The following KCNH1 variants were observed in gnomAD, a reference collection of about 807,000 sequenced individuals.
KCNH1 encodes voltage-gated delayed rectifier potassium channel KCNH1.
Under a neutral mutation model 69.2 loss-of-function variants are expected in KCNH1, and 27 were observed. The observed-to-expected ratio is 0.39, with a 90% CI of 0.29 to 0.54. The LOEUF is 0.54. KCNH1 is among the 20% of genes least tolerant of loss of function. KCNH1 has a pLI of 0.68. For synonymous variants in KCNH1, 456 were observed against 487.7 expected (o/e 0.93, Z 0.86); for missense variants, 798 against 1,261.6 (o/e 0.63, Z 5.57).
intron 6 of KCNH1, among the ~76,000 whole-genome samples, chr1:210,955,402 T>A (rs181066893): frequency 6.6e-6 from 1 of 152,326 alleles, no homozygotes; most frequent in Non-Finnish European, 1.5e-5. Context: ...TTTGGTTCCA[T>A]ATGAACTTTA....
At chr1:210,981,733 A>G (rs559367537) in intron 6 of KCNH1, among the ~76,000 whole-genome samples, 49 of 152,276 alleles carry the variant, frequency 3.2e-4, no homozygotes, top group Middle Eastern at 3.4e-3. Context: ...ACTTCCTGGC[A>G]AACTTGTGGA....
intron 7 of KCNH1, among the ~76,000 whole-genome samples, chr1:210,856,824 T>TAAA (rs1685852679): frequency 1.5e-5 from 2 of 130,350 alleles, no homozygotes; most frequent in Non-Finnish European, 3.3e-5. Context: ...ATATATATTT[T>TAAA]ATATATAATA....
rs1468945388 is a variant in KCNH1, at chr1:210,681,163, G to C, written c.*2118C>G. On this transcript the variant is annotated 3_prime_UTR_variant, in exon 11 of 11. Coordinates refer to ENST00000271751, the MANE Select transcript of KCNH1 (RefSeq NM_172362.3). ...ACTTCAGAAGCAGGTTGAGGAGCAT[G>C]TTTAAGAAATGGCAGACTAGAATGT... The C allele has an allele frequency of 6.6e-6, 1 of 152,198 alleles. No individual in the cohort carries two copies. Among genetic ancestry groups the C allele is most frequent in the Non-Finnish European group, 1.5e-5 (1 of 68,058 alleles). 9.4% of individuals were successfully genotyped at this position (152,198 alleles called of 1,614,324 possible).
intron 6 of KCNH1, 106 bp downstream of exon 6, chr1:211,018,677 A>G (rs1689537412): frequency 1.1e-6 from 1 of 899,156 alleles, no homozygotes; most frequent in Non-Finnish European, 1.7e-6. Context: ...TGTTCTGGAC[A>G]TCAGTCATGC....
At chr1:210,736,135 T>C (rs1331731021) in intron 10 of KCNH1, among the ~76,000 whole-genome samples, 1 of 152,118 alleles carries the variant, frequency 6.6e-6, no homozygotes, top group Admixed American at 6.5e-5. Context: ...AGCGTCAAAC[T>C]CCTGGGCTCA....
intron 5 of KCNH1, among the ~76,000 whole-genome samples, chr1:211,055,973 T>C (rs1488688416): frequency 6.6e-6 from 1 of 152,224 alleles, no homozygotes; most frequent in East Asian, 1.9e-4. Context: ...GCTTCAGGTG[T>C]GACCCAGAAC....
intron 6 of KCNH1, among the ~76,000 whole-genome samples, chr1:210,972,649 G>C (rs1412471661): frequency 6.6e-6 from 1 of 151,962 alleles, no homozygotes; most frequent in African/African-American, 2.4e-5. Flanking sequence ...ATGTCATTAG[G>C]GCAACAGTCA....
At chr1:211,021,771 A>C (rs1407522278) in intron 5 of KCNH1, among the ~76,000 whole-genome samples, 1 of 152,196 alleles carries the variant, frequency 6.6e-6, no homozygotes, top group East Asian at 1.9e-4. Flanking sequence ...GAATAAATCT[A>C]ACCAAAGAGA....
At chr1:211,122,767 G>A (rs1282365699) in intron 1 of KCNH1, among the ~76,000 whole-genome samples, 2 of 152,180 alleles carry the variant, frequency 1.3e-5, no homozygotes, top group African/African-American at 4.8e-5. Flanking sequence ...ATAAGTGGGA[G>A]TTGAACAATG....
rs114144023 is a variant in KCNH1, at chr1:211,082,934, C to G, written c.440-36G>C. ...TGGAAGAGTGAAAAGACAGGGTCAACCACATCCCAAAGGTGCACAGACATT... is the reference window on the plus strand; with the variant it reads ...TGGAAGAGTGAAAAGACAGGGTCAAGCACATCCCAAAGGTGCACAGACATT... On this transcript the variant is annotated intron_variant, in intron 4 of 10. Transcript: ENST00000271751. The G allele has an allele frequency of 8.2e-4, 1,261 of 1,546,134 alleles. 7 individuals are homozygous for G. The African/African-American group carries it at 0.014, about 17-fold the overall frequency.
chr1:210,767,182 A>G (rs1683653628), intron 10 of KCNH1, among the ~76,000 whole-genome samples: 1 of 152,232 alleles, frequency 6.6e-6, no homozygotes, highest in South Asian at 2.1e-4. Context: ...GCAAGGAGGG[A>G]CTTTGAAGCT....
intron 6 of KCNH1, among the ~76,000 whole-genome samples, chr1:211,004,566 A>C (rs1454999989): frequency 1.3e-5 from 2 of 152,128 alleles, no homozygotes; most frequent in Non-Finnish European, 2.9e-5. Context: ...AATCAATCCC[A>C]AAAGAAGATA....
Position 210,753,894 on chromosome 1 carries a change from A to G in KCNH1, c.2112+21454T>C, listed in dbSNP as rs544777907. ...AACACTTTGTAGGGTTTTCAAGCTT[A>G]CAAATATCAGACTAATTTTTTTTTT... On this transcript the variant is annotated intron_variant, in intron 10 of 10. Transcript: ENST00000271751. Among the ~76,000 whole-genome samples the G allele has an allele frequency of 2.6e-5, 4 of 151,740 alleles. No individual in the cohort carries two copies. In the East Asian group the frequency reaches 7.7e-4, roughly 29 times the overall value.
At chr1:210,725,032 CATCTT>C (rs1228398574) in intron 10 of KCNH1, among the ~76,000 whole-genome samples, 3 of 152,286 alleles carry the variant, frequency 2.0e-5, no homozygotes, top group Non-Finnish European at 2.9e-5. Flanking sequence ...TTAGCTGAGA[CATCTT>C]AGTTGAGACA....
At chr1:210,931,937 A>C (rs1365596761) in intron 6 of KCNH1, among the ~76,000 whole-genome samples, 1 of 152,024 alleles carries the variant, frequency 6.6e-6, no homozygotes, top group African/African-American at 2.4e-5. Context: ...GTAACCCAGA[A>C]GACAAAGTAA....
At chr1:210,931,669 T>G (rs745429496) in intron 6 of KCNH1, among the ~76,000 whole-genome samples, 12 of 151,890 alleles carry the variant, frequency 7.9e-5, no homozygotes, top group Non-Finnish European at 1.3e-4. Context: ...AAAATTAAAT[T>G]TAATTTAATT....
intron 7 of KCNH1, among the ~76,000 whole-genome samples, chr1:210,816,036 T>C (rs965010385): frequency 3.9e-5 from 6 of 152,228 alleles, no homozygotes; most frequent in Non-Finnish European, 8.8e-5. Context: ...ATCTCACTCT[T>C]GTTAATCAGA....
At chr1:210,783,869 G>A (rs148386228) in intron 9 of KCNH1, among the ~76,000 whole-genome samples, 72 of 152,250 alleles carry the variant, frequency 4.7e-4, no homozygotes, top group African/African-American at 1.6e-3. Flanking sequence ...ATGGTCCAGC[G>A]GGTCAGTACA....
intron 7 of KCNH1, among the ~76,000 whole-genome samples, chr1:210,809,437 T>A (rs1684652843): frequency 6.6e-6 from 1 of 152,024 alleles, no homozygotes; most frequent in Admixed American, 6.6e-5. Context: ...GGGAGAAGAA[T>A]AAGACAAAGA....
Sources: gnomAD v4.1 joint callset for allele counts (sites outside exome capture counted in the v4.1 genomes callset) on GRCh38, gnomAD v4.1.1 for gene constraint, MANE v1.5 for transcripts, NCBI Gene and HGNC (gene_info 2026-07-23, HGNC 2026-07-21) for gene names.